The following HELZ variants were observed in gnomAD, a reference collection of about 807,000 sequenced individuals.
The protein encoded by HELZ is ATP-dependent RNA helicase with zinc finger domain.
A neutral mutation model predicts 218.2 loss-of-function variants in HELZ; 23 were observed. The ratio of observed to expected loss-of-function variants is 0.11; its 90% CI spans 0.08 to 0.15. The LOEUF (loss-of-function observed/expected upper bound fraction) is 0.15. Ranked by LOEUF, HELZ falls within the 10% of genes least tolerant of loss-of-function variation. The probability of loss-of-function intolerance (pLI) is 1.00; values close to 1 mark genes in which losing one functional copy is unlikely to be tolerated. For synonymous variants in HELZ, 814 were observed against 829.4 expected (o/e 0.98, Z 0.32); for missense variants, 1,813 against 2,353.7 (o/e 0.77, Z 4.75).
intron 11 of HELZ, among the ~76,000 whole-genome samples, chr17:67,189,018 A>G (rs74745548): frequency 0.01 from 1,542 of 152,294 alleles, 25 homozygotes; most frequent in African/African-American, 0.034. Flanking sequence ...TAGATTTTTC[A>G]TCTCCAGATA....
At chr17:67,173,068 A>G (rs2144190292) in intron 13 of HELZ, 6 of 977,136 alleles carry the variant, frequency 6.1e-6, no homozygotes, top group Non-Finnish European at 6.1e-6. Flanking sequence ...TTCTTGAGGT[A>G]GAGGCACCAG....
At chr17:67,168,775 G>A (rs1303026985) in intron 13 of HELZ, among the ~76,000 whole-genome samples, 3 of 152,234 alleles carry the variant, frequency 2.0e-5, no homozygotes, top group Middle Eastern at 3.4e-3. Context: ...GCAGCACAGA[G>A]AATCAAGATT....
chr17:67,209,957 T>C (rs1277997695), intron 5 of HELZ, among the ~76,000 whole-genome samples: 2 of 152,180 alleles, frequency 1.3e-5, no homozygotes, highest in Admixed American at 6.5e-5. Context: ...AGCTCACACC[T>C]GTAATCTCAA....
At chr17:67,222,126 C>A (rs1254988006) in intron 3 of HELZ, among the ~76,000 whole-genome samples, 1 of 152,146 alleles carries the variant, frequency 6.6e-6, no homozygotes, top group Non-Finnish European at 1.5e-5. Flanking sequence ...CAGGCGTGAG[C>A]CACTGTACCC....
chr17:67,078,183 C>T lies in HELZ; in HGVS notation c.*69G>A, dbSNP rs1377771524. The T allele has an allele frequency of 9.2e-7, 1 of 1,090,416 alleles. No homozygotes were observed. The highest frequency in any genetic ancestry group is 2.4e-5 in the East Asian group (1 of 41,134). The allele number at this position is 1,090,416 out of a possible 1,614,324, so 67.5% of individuals were successfully genotyped here. A position where few individuals can be genotyped will look rare whatever the true frequency, so the allele number is the denominator to read the frequency against. On this transcript the variant is annotated 3_prime_UTR_variant, in exon 33 of 33. Transcript: ENST00000358691. ...GGAACTGTGCATCTATAGATGAAGT[C>T]CAACTACCTTAATTCTACTGATACA...
At position 67,194,030 on chromosome 17, in the gene HELZ, C is replaced by A. The variant is rs1567880117; in HGVS notation, c.494G>T (p.Gly165Val). The stretch of plus-strand genomic sequence containing the variant: ...CCTAGGTGGTGGGCGGAAATGCCAA[C>A]CATTACAAGACCCTAGGGAGTAATT... ...VEDLDEGSCN[G>V]WHFRPPPRGI... Residue 165 changes from glycine to valine, a missense_variant, in exon 9 of 33, where the codon GGT becomes GTT. This residue lies in a region of HELZ where 714 missense variants were observed against 1,029.2 expected (regional missense o/e 0.69). Transcript: ENST00000358691. The A allele has an allele frequency of 1.9e-6, 3 of 1,612,264 alleles. No homozygotes were observed. Among genetic ancestry groups the A allele is most frequent in the South Asian group, 1.1e-5 (1 of 90,962 alleles).
At chr17:67,242,743 G>A (rs1217107165) in intron 2 of HELZ, among the ~76,000 whole-genome samples, 1 of 151,500 alleles carries the variant, frequency 6.6e-6, no homozygotes, top group Admixed American at 6.6e-5. Context: ...AGAAAATGCA[G>A]TATGTGCACT....
chr17:67,231,610 G>T (rs1013584508), intron 3 of HELZ, among the ~76,000 whole-genome samples: 1 of 143,570 alleles, frequency 7.0e-6, no homozygotes, highest in African/African-American at 2.6e-5. Flanking sequence ...AAAAAAAAAA[G>T]AAATGTACCA....
chr17:67,144,220 T>G lies in HELZ; in HGVS notation c.2769+1523A>C, dbSNP rs971786267. On this transcript the variant is annotated intron_variant, in intron 21 of 32. Coordinates refer to ENST00000358691, the MANE Select transcript of HELZ (RefSeq NM_014877.4). ...GTATCCAAATATGCCTATACTGGTA[T>G]TCAAAAATTCAAAACGCCTACACTG... 7.2e-5 allele frequency among the ~76,000 whole-genome samples: 11 copies of G among 152,078 alleles called. No individual in the cohort carries two copies. The East Asian group carries it at 2.1e-3, about 29-fold the overall frequency.
intron 32 of HELZ, among the ~76,000 whole-genome samples, chr17:67,081,320 C>T (rs2036182378): frequency 6.6e-6 from 1 of 152,146 alleles, no homozygotes; most frequent in African/African-American, 2.4e-5. Context: ...AACAGCTTAG[C>T]CCTTACCCTA....
At chr17:67,194,529 G>A (rs1434224152) in intron 8 of HELZ, among the ~76,000 whole-genome samples, 1 of 152,290 alleles carries the variant, frequency 6.6e-6, no homozygotes, top group Non-Finnish European at 1.5e-5. Flanking sequence ...ACACGTCACT[G>A]TAGAATATAA....
At chr17:67,138,680 A>G (rs2038226753) in intron 21 of HELZ, among the ~76,000 whole-genome samples, 1 of 152,236 alleles carries the variant, frequency 6.6e-6, no homozygotes, top group Non-Finnish European at 1.5e-5. Context: ...TCACAGAGAA[A>G]GACTTTCAGA....
rs763035672 is a variant in HELZ at position 67,166,515 on chromosome 17, T to A, written c.1858A>T (p.Ile620Phe). ...IKDNGVLFPDISMTPTIPWSP... is the reference protein window; with the variant it reads ...IKDNGVLFPDFSMTPTIPWSP... ...CATGGTATGGTGGGAGTCATACTGATGTCTGGAAACAAAACCCCATTGTCC... is the reference window on the plus strand; with the variant it reads ...CATGGTATGGTGGGAGTCATACTGAAGTCTGGAAACAAAACCCCATTGTCC... Residue 620 changes from isoleucine to phenylalanine, a missense_variant, in exon 15 of 33, where the codon ATC becomes TTC. Ile to Phe is a conservative substitution (Grantham distance 21). Around this residue, in one of 4 missense-constraint regions of HELZ, gnomAD observed 714 missense variants for 1,029.2 expected, o/e 0.69. Coordinates refer to ENST00000358691, the MANE Select transcript of HELZ (RefSeq NM_014877.4). 1 of 1,613,456 alleles carries A rather than the reference T, an allele frequency of 6.2e-7. No individual in the cohort carries two copies. Among genetic ancestry groups the A allele is most frequent in the Admixed American group, 1.7e-5 (1 of 60,010 alleles).
chr17:67,195,077 CA>C (rs2039989009), intron 8 of HELZ, among the ~76,000 whole-genome samples: 1 of 152,034 alleles, frequency 6.6e-6, no homozygotes, highest in South Asian at 2.1e-4. Context: ...TCAAAACTTC[CA>C]AAAAGTAATA....
rs1000815805 is a variant in HELZ at position 67,194,130 on chromosome 17, C to G, written c.482-88G>C. The G allele has an allele frequency of 8.1e-6, 7 of 860,492 alleles. No individual in the cohort carries two copies. The African/African-American group carries it at 1.2e-4, about 15-fold the overall frequency. The allele number at this position is 860,492 out of a possible 1,614,324, so 53.3% of individuals were successfully genotyped here. ...TGTGTAAGAGATACTACAATCCCTC[C>G]ACATACATCATCCCATATGATGTAA... On this transcript the variant is annotated intron_variant, in intron 8 of 32. Transcript: ENST00000358691.
intron 5 of HELZ, among the ~76,000 whole-genome samples, chr17:67,208,540 G>A (rs1313809321): frequency 6.6e-6 from 1 of 151,988 alleles, no homozygotes; most frequent in African/African-American, 2.4e-5. Flanking sequence ...TCAGAATAAA[G>A]AGTTTAAAAT....
chr17:67,108,660 C>T lies in HELZ; in HGVS notation c.4556G>A (p.Ser1519Asn), dbSNP rs762492428. ...CTGACTGAGAAAGGCATGATGCTCG[C>T]TCCACTGCTGGAACCGTGCCTGCTG... Reference protein sequence around the residue: ...RQQQARFQQWSEHHAFLSQGS... With the variant: ...RQQQARFQQWNEHHAFLSQGS... Residue 1519 changes from serine to asparagine, a missense_variant, in exon 30 of 33, where the codon AGC becomes AAC. Coordinates refer to ENST00000358691, the MANE Select transcript of HELZ (RefSeq NM_014877.4). The surrounding 1 kb of genome is among the most constrained non-coding windows in gnomAD (Gnocchi z 4.1). The T allele has an allele frequency of 1.9e-5, 30 of 1,614,004 alleles. No homozygotes were observed. The highest frequency in any genetic ancestry group is 2.4e-5 in the Non-Finnish European group (28 of 1,180,008).
chr17:67,121,875 TC>T (rs1165769159), intron 26 of HELZ, among the ~76,000 whole-genome samples: 1 of 152,192 alleles, frequency 6.6e-6, no homozygotes, highest in Non-Finnish European at 1.5e-5. Context: ...ACTAGACTAA[TC>T]CAAGCCTGTG....
At chr17:67,214,259 C>CT (rs777420102) in intron 5 of HELZ, among the ~76,000 whole-genome samples, 34,080 of 87,582 alleles carry the variant, frequency 0.39, 8,276 homozygotes, top group Non-Finnish European at 0.47. Context: ...ATTAATATTT[C>CT]TTTTTTTTTT....
Sources: allele counts gnomAD v4.1 joint callset (sites outside exome capture counted in the v4.1 genomes callset), GRCh38; gene constraint gnomAD v4.1.1; regional missense constraint gnomAD v4.1.1; non-coding constraint Gnocchi (gnomAD v3.1); transcripts MANE v1.5; gene names NCBI Gene and HGNC (gene_info 2026-07-23, HGNC 2026-07-21).